The following FCHSD2 variants were observed in gnomAD, a reference collection of about 807,000 sequenced individuals.
FCHSD2 encodes the protein FCH and double SH3 domains 2, also known as F-BAR and double SH3 domains protein 2.
In FCHSD2, 38 loss-of-function variants were observed where a neutral mutation model predicts 108.1. That is an observed-to-expected ratio of 0.35 (90% CI 0.27 to 0.46). FCHSD2 has a LOEUF of 0.46. FCHSD2 is among the 20% of genes least tolerant of loss of function. FCHSD2 has a pLI of 1.00. For synonymous variants in FCHSD2, 279 were observed against 314.7 expected (o/e 0.89, Z 1.20); for missense variants, 751 against 897.8 (o/e 0.84, Z 2.09).
In FCHSD2 at chr11:72,988,978, A is replaced by G. The variant is rs200753128; in HGVS notation, c.507T>C (p.Ala169=). The G allele has an allele frequency of 4.1e-5, 66 of 1,604,478 alleles. No individual in the cohort carries two copies. In the African/African-American group the frequency reaches 7.5e-4, roughly 18 times the overall value. ...EQMAHAVREK[A]DIEAKSKLSL... is the part of the protein sequence containing the mutation. ...AAAACACATACTTTGCCTCGATGTC[A>G]GCTTTCTCTCGTACTGCATGAGCCA... is the stretch of plus-strand genomic sequence containing the variant. The change falls in exon 6 of 20, where the codon GCT becomes GCC. Residue 169 remains alanine (A), a synonymous_variant. Transcript: ENST00000409418.
intron 3 of FCHSD2, among the ~76,000 whole-genome samples, chr11:73,042,404 C>A (rs1015904703): frequency 6.6e-6 from 1 of 152,116 alleles, no homozygotes; most frequent in Non-Finnish European, 1.5e-5. Flanking sequence ...CTTAATCCAT[C>A]CCATTGTTCT....
intron 2 of FCHSD2, among the ~76,000 whole-genome samples, chr11:73,125,099 G>C (rs1174228387): frequency 1.3e-5 from 2 of 152,316 alleles, no homozygotes; most frequent in South Asian, 4.1e-4. Context: ...GCTAAGAGAA[G>C]TGTCAAAAGC....
intron 8 of FCHSD2, among the ~76,000 whole-genome samples, chr11:72,949,567 A>G (rs369705103): frequency 3.3e-4 from 51 of 152,346 alleles, no homozygotes; most frequent in African/African-American, 1.2e-3. Context: ...GCAACCACTA[A>G]TCTACTTTCT....
rs771693765 is a variant in FCHSD2, at chr11:72,842,833, C to T, written c.1714G>A (p.Val572Met). The T allele has an allele frequency of 4.3e-6, 7 of 1,613,278 alleles. No homozygotes were observed. Among genetic ancestry groups the T allele is most frequent in the African/African-American group, 1.3e-5 (1 of 74,852 alleles). ...SLNGDASVCFVKALYDYEGQT... is the reference protein window; with the variant it reads ...SLNGDASVCFMKALYDYEGQT... ...CCCTCATAATCATAAAGTGCTTTCACAAAACATACTAGGGAGCAAGAGAAA... is the reference window on the plus strand; with the variant it reads ...CCCTCATAATCATAAAGTGCTTTCATAAAACATACTAGGGAGCAAGAGAAA... The change falls in exon 17 of 20, where the codon GTG becomes ATG. Residue 572 changes from valine (V) to methionine (M), a missense_variant. Physicochemically the swap from Val to Met is conservative, Grantham distance 21. Coordinates refer to ENST00000409418, the MANE Select transcript of FCHSD2 (RefSeq NM_014824.3).
At chr11:73,044,909 A>G (rs1042333317) in intron 3 of FCHSD2, among the ~76,000 whole-genome samples, 2 of 152,040 alleles carry the variant, frequency 1.3e-5, no homozygotes, top group African/African-American at 4.8e-5. Flanking sequence ...TCTCTACTAA[A>G]AATACAAAAA....
At chr11:72,964,843 G>A (rs981894855) in intron 8 of FCHSD2, among the ~76,000 whole-genome samples, 8 of 147,648 alleles carry the variant, frequency 5.4e-5, no homozygotes, top group South Asian at 4.3e-4. Context: ...AGGCTGGAGC[G>A]CACTGGCAGG....
chr11:73,054,388 A>G (rs1410612192), intron 3 of FCHSD2, among the ~76,000 whole-genome samples: 2 of 152,226 alleles, frequency 1.3e-5, no homozygotes, highest in African/African-American at 4.8e-5. Flanking sequence ...CTAGAAAAAA[A>G]AAAGAAATTT....
At chr11:72,970,180 T>C (rs1207032079) in intron 8 of FCHSD2, among the ~76,000 whole-genome samples, 1 of 152,196 alleles carries the variant, frequency 6.6e-6, no homozygotes, top group Non-Finnish European at 1.5e-5. Context: ...TGGCTAAGAA[T>C]GTTGAACAGA....
At chr11:72,945,889 G>A (rs1856509211) in intron 8 of FCHSD2, among the ~76,000 whole-genome samples, 1 of 152,172 alleles carries the variant, frequency 6.6e-6, no homozygotes, top group African/African-American at 2.4e-5. Context: ...TAGAAAGTCA[G>A]GAAACAACTG....
chr11:72,843,714 CAG>C (rs1861037500), intron 14 of FCHSD2, 182 bp from the exon 15 acceptor site: 1 of 587,240 alleles, frequency 1.7e-6, no homozygotes, highest in African/African-American at 1.9e-5. Flanking sequence ...AAAAACTAAA[CAG>C]AATAAAACCA....
intron 8 of FCHSD2, among the ~76,000 whole-genome samples, chr11:72,948,916 C>T (rs1001076686): frequency 1.3e-5 from 2 of 151,860 alleles, no homozygotes; most frequent in Admixed American, 6.6e-5. Flanking sequence ...CTGCCCACCT[C>T]GGCCTCCCAA....
At chr11:72,980,679 A>ATATATATATATATATAATGTGTGTGTG (rs1334679429) in intron 8 of FCHSD2, among the ~76,000 whole-genome samples, 6 of 80,862 alleles carry the variant, frequency 7.4e-5, no homozygotes, top group African/African-American at 2.3e-4. Context: ...GTGTGTGTAT[A>ATATATATATATATATAATGTGTGTGTG]TATATATATA....
chr11:72,948,504 A>G (rs1856561792), intron 8 of FCHSD2, among the ~76,000 whole-genome samples: 1 of 152,188 alleles, frequency 6.6e-6, no homozygotes, highest in African/African-American at 2.4e-5. Context: ...TTCTGAGACA[A>G]AGAATATAGT....
chr11:72,889,763 C>A (rs1855275746), intron 11 of FCHSD2, 66 bp downstream of exon 11: 3 of 864,098 alleles, frequency 3.5e-6, no homozygotes, highest in Non-Finnish European at 3.8e-6. Flanking sequence ...TAATAAAACT[C>A]AGTTCCTTAA....
At chr11:73,062,797 C>T (rs1859198473) in intron 3 of FCHSD2, among the ~76,000 whole-genome samples, 1 of 152,016 alleles carries the variant, frequency 6.6e-6, no homozygotes, top group Non-Finnish European at 1.5e-5. Context: ...GTGAAAAGAC[C>T]AAATCTACAT....
At chr11:72,894,564 A>G (rs748484486) in intron 10 of FCHSD2, among the ~76,000 whole-genome samples, 31 of 152,236 alleles carry the variant, frequency 2.0e-4, no homozygotes, top group Non-Finnish European at 4.1e-4. Flanking sequence ...ATTCTTTATG[A>G]AGTATATTAA....
At chr11:73,022,606 T>C (rs770821408) in intron 3 of FCHSD2, among the ~76,000 whole-genome samples, 14 of 152,202 alleles carry the variant, frequency 9.2e-5, no homozygotes, top group Non-Finnish European at 1.5e-4. Context: ...TCTAAATGGA[T>C]GGAGAGACAT....
chr11:72,872,448 A>C (rs1854881911), intron 12 of FCHSD2, among the ~76,000 whole-genome samples: 4 of 152,054 alleles, frequency 2.6e-5, no homozygotes, highest in Admixed American at 6.6e-5. Flanking sequence ...ATTGTTCTCC[A>C]GCCCCCTATT....
intron 8 of FCHSD2, among the ~76,000 whole-genome samples, chr11:72,949,933 T>C (rs926540227): frequency 6.6e-6 from 1 of 152,218 alleles, no homozygotes; most frequent in Non-Finnish European, 1.5e-5. Flanking sequence ...TTCTGTTGGA[T>C]AGTTTGAGAA....
Sources: gnomAD v4.1 joint callset for allele counts (sites outside exome capture counted in the v4.1 genomes callset) on GRCh38, gnomAD v4.1.1 for gene constraint, MANE v1.5 for transcripts, NCBI Gene and HGNC (gene_info 2026-07-23, HGNC 2026-07-21) for gene names.